The following RASSF3 variants were observed in gnomAD, a reference collection of about 807,000 sequenced individuals.
The protein encoded by RASSF3 is ras association domain-containing protein 3.
In RASSF3, 19 loss-of-function variants were observed where a neutral mutation model predicts 19.9. That is an observed-to-expected ratio of 0.96 (90% CI 0.67 to 1.40). The LOEUF (loss-of-function observed/expected upper bound fraction) is 1.40. Among genes scored for constraint, RASSF3 ranks in the 40% most tolerant of loss-of-function variants. The pLI is 0.00. For missense variants in RASSF3, 306 were observed against 289.8 expected, an observed-to-expected ratio of 1.06 and a Z score of -0.41; for synonymous variants, 110 against 104.2, an observed-to-expected ratio of 1.06 and a Z score of -0.34.
At chr12:64,554,146 A>C (rs1346098295) in intron 2 of RASSF3, among the ~76,000 whole-genome samples, 2 of 152,188 alleles carry the variant, frequency 1.3e-5, no homozygotes, top group Non-Finnish European at 2.9e-5. Context: ...ACCTATGACT[A>C]TCTTTCTCTT....
intron 2 of RASSF3, among the ~76,000 whole-genome samples, chr12:64,587,384 G>A (rs576534256): frequency 6.4e-4 from 98 of 152,192 alleles, no homozygotes; most frequent in African/African-American, 2.3e-3. Flanking sequence ...AATTTGTGAA[G>A]TGGTAGTAGT....
chr12:64,576,363 C>T (rs1284786347), intron 2 of RASSF3, among the ~76,000 whole-genome samples: 2 of 152,080 alleles, frequency 1.3e-5, no homozygotes, highest in African/African-American at 2.4e-5. Context: ...CCTTATCTTA[C>T]TGTATACATA....
intron 1 of RASSF3, among the ~76,000 whole-genome samples, chr12:64,658,878 T>TG (rs1872247913): frequency 1.3e-5 from 2 of 152,290 alleles, no homozygotes; most frequent in South Asian, 4.1e-4. Flanking sequence ...AAGACCAGCT[T>TG]GGGCAACATA....
intron 1 of RASSF3, among the ~76,000 whole-genome samples, chr12:64,671,286 C>T (rs191549682): frequency 7.2e-5 from 11 of 152,248 alleles, no homozygotes; most frequent in South Asian, 4.1e-4. Flanking sequence ...GAAGACTGAT[C>T]GGGGCTGGTC....
At chr12:64,509,867 G>A (rs1384386154) in intron 1 of RASSF3, among the ~76,000 whole-genome samples, 2 of 151,840 alleles carry the variant, frequency 1.3e-5, no homozygotes, top group Non-Finnish European at 2.9e-5. Context: ...CGGGCGGATC[G>A]CTTGAGGTCA....
intron 2 of RASSF3, among the ~76,000 whole-genome samples, chr12:64,549,036 C>T (rs1258596358): frequency 1.3e-5 from 2 of 152,182 alleles, no homozygotes; most frequent in South Asian, 2.1e-4. Flanking sequence ...TCTGAGTGAA[C>T]TCCCAGAAAA....
At chr12:64,653,334 C>T (rs1186819209) in intron 1 of RASSF3, among the ~76,000 whole-genome samples, 1 of 152,186 alleles carries the variant, frequency 6.6e-6, no homozygotes, top group African/African-American at 2.4e-5. Flanking sequence ...CCCACTTCAG[C>T]CTCCCAAAAT....
At chr12:64,679,943 C>T (rs1323206749) in intron 1 of RASSF3, among the ~76,000 whole-genome samples, 1 of 152,206 alleles carries the variant, frequency 6.6e-6, no homozygotes, top group South Asian at 2.1e-4. Context: ...GCCATTTCCT[C>T]TCCTGCCATC....
chr12:64,557,046 A>G (rs1177091404), intron 2 of RASSF3, among the ~76,000 whole-genome samples: 2 of 152,044 alleles, frequency 1.3e-5, no homozygotes, highest in African/African-American at 4.8e-5. Flanking sequence ...CATGTTGGCC[A>G]GGCTGATCTC....
intron 1 of RASSF3, 54 bp from the exon 2 acceptor site, chr12:64,684,733 T>G: frequency 7.9e-7 from 1 of 1,261,156 alleles, no homozygotes; most frequent in Non-Finnish European, 1.2e-6. Context: ...GCCCGGCCTA[T>G]CCGCACTTTT....
At chr12:64,524,334 G>A (rs761879071) in intron 1 of RASSF3, among the ~76,000 whole-genome samples, 6 of 151,502 alleles carry the variant, frequency 4.0e-5, no homozygotes, top group African/African-American at 7.3e-5. Context: ...TGATCCACCC[G>A]TCTTGGCCTC....
intron 1 of RASSF3, among the ~76,000 whole-genome samples, chr12:64,653,492 A>T (rs1468853555): frequency 1.3e-5 from 2 of 152,152 alleles, no homozygotes; most frequent in African/African-American, 4.8e-5. Context: ...TCCAGAGAAG[A>T]TCACATTCTG....
chr12:64,585,614 T>G (rs113451591), intron 2 of RASSF3, among the ~76,000 whole-genome samples: 1 of 150,186 alleles, frequency 6.7e-6, no homozygotes, highest in Non-Finnish European at 1.5e-5. Context: ...TTTTTTTTTT[T>G]TTTTTTTTGA....
chr12:64,645,544 T>A (rs1211600948), intron 1 of RASSF3, among the ~76,000 whole-genome samples: 3 of 151,728 alleles, frequency 2.0e-5, no homozygotes, highest in East Asian at 3.9e-4. Flanking sequence ...AATAAAGAAA[T>A]TTTTTTTTAT....
intron 1 of RASSF3, among the ~76,000 whole-genome samples, chr12:64,663,092 A>G (rs1872426560): frequency 6.6e-6 from 1 of 152,264 alleles, no homozygotes; most frequent in Non-Finnish European, 1.5e-5. Context: ...TGTTAGAAGC[A>G]GTAATTATGT....
chr12:64,649,330 C>G (rs1871856503), intron 1 of RASSF3, among the ~76,000 whole-genome samples: 1 of 151,864 alleles, frequency 6.6e-6, no homozygotes. Flanking sequence ...GTAGCTGGGA[C>G]TACAGGCACC....
At chr12:64,666,392 G>C (rs1220997976) in intron 1 of RASSF3, among the ~76,000 whole-genome samples, 1 of 152,062 alleles carries the variant, frequency 6.6e-6, no homozygotes, top group African/African-American at 2.4e-5. Flanking sequence ...CTACTGAGGA[G>C]TTCAGAGTGG....
chr12:64,567,124 T>C (rs1277563176), intron 2 of RASSF3, among the ~76,000 whole-genome samples: 2 of 152,216 alleles, frequency 1.3e-5, no homozygotes, highest in Non-Finnish European at 2.9e-5. Flanking sequence ...AGAGGAAACC[T>C]GTTGCAGGAG....
upstream of RASSF3, among the ~76,000 whole-genome samples, chr12:64,605,616 G>T (rs1217374055): frequency 6.6e-6 from 1 of 152,080 alleles, no homozygotes; most frequent in Non-Finnish European, 1.5e-5. Context: ...TAGGCCGGGC[G>T]TGGTGGCTCA....
Sources: gnomAD v4.1 joint callset for allele counts (sites outside exome capture counted in the v4.1 genomes callset) on GRCh38, gnomAD v4.1.1 for gene constraint, MANE v1.5 for transcripts, NCBI Gene and HGNC (gene_info 2026-07-23, HGNC 2026-07-21) for gene names.